The following CDH12 variants were observed in gnomAD, a reference collection of about 807,000 sequenced individuals.
The protein encoded by CDH12 is cadherin 12, also known as cadherin-12.
Under a neutral mutation model 74.1 loss-of-function variants are expected in CDH12, and 41 were observed. The ratio of observed to expected loss-of-function variants is 0.55; its 90% CI spans 0.43 to 0.72. CDH12 has a LOEUF of 0.72. Among genes scored for constraint, CDH12 ranks in the 30% least tolerant of loss-of-function variants. CDH12 has a pLI of 0.00. For synonymous variants in CDH12, 399 were observed against 355.0 expected, an observed-to-expected ratio of 1.12 and a Z score of -1.39; for missense variants, 945 against 977.2, an observed-to-expected ratio of 0.97 and a Z score of 0.44.
At chr5:22,343,584 A>AT (rs1425315205) in intron 3 of CDH12, among the ~76,000 whole-genome samples, 3 of 151,928 alleles carry the variant, frequency 2.0e-5, no homozygotes, top group Admixed American at 6.5e-5. Context: ...CGCCCAGCTA[A>AT]TTTTTTTGTA....
intron 1 of CDH12, among the ~76,000 whole-genome samples, chr5:22,609,777 G>A (rs1336563700): frequency 6.6e-6 from 1 of 152,216 alleles, no homozygotes; most frequent in Non-Finnish European, 1.5e-5. Context: ...CTTCGGTAAA[G>A]TGTGTCATCT....
chr5:22,059,327 T>C lies in CDH12; in HGVS notation c.231+19119A>G, dbSNP rs1011067334. Among the ~76,000 whole-genome samples, 140 of 149,662 alleles carry C rather than the reference T, an allele frequency of 9.4e-4. 1 individual carries two copies. Among genetic ancestry groups the C allele is most frequent in the African/African-American group, 3.4e-3 (137 of 40,612 alleles). The stretch of plus-strand genomic sequence containing the variant: ...CTATCTATCATCTATCCATCTATCG[T>C]CTATCTATCATCTATCTATCTATCT... On this transcript the variant is annotated intron_variant, in intron 5 of 14. Coordinates refer to ENST00000382254, the MANE Select transcript of CDH12 (RefSeq NM_004061.5).
chr5:22,348,359 T>G (rs1740214551), intron 3 of CDH12, among the ~76,000 whole-genome samples: 1 of 152,244 alleles, frequency 6.6e-6, no homozygotes, highest in Non-Finnish European at 1.5e-5. Flanking sequence ...AAGCTCCATT[T>G]ATTTTGAATG....
chr5:22,503,439 T>C (rs556134507), intron 2 of CDH12, among the ~76,000 whole-genome samples: 12 of 152,206 alleles, frequency 7.9e-5, no homozygotes, highest in Non-Finnish European at 1.8e-4. Flanking sequence ...GCTTGAAATC[T>C]ATATATTCAT....
chr5:22,804,872 T>C (rs544347855), intron 1 of CDH12, among the ~76,000 whole-genome samples: 25 of 152,318 alleles, frequency 1.6e-4, no homozygotes, highest in African/African-American at 4.6e-4. Context: ...TTAAGAGCCA[T>C]TGAGTTTTAA....
At chr5:22,152,933 T>C (rs886188285) in intron 4 of CDH12, among the ~76,000 whole-genome samples, 2 of 152,176 alleles carry the variant, frequency 1.3e-5, no homozygotes, top group South Asian at 4.1e-4. Context: ...TGCAACCCCC[T>C]AGGTTCATGT....
intron 1 of CDH12, among the ~76,000 whole-genome samples, chr5:22,749,174 G>A (rs192330797): frequency 5.9e-5 from 9 of 152,340 alleles, no homozygotes; most frequent in Non-Finnish European, 1.3e-4. Context: ...GCAAGCAGAA[G>A]TTGAAAGTAT....
chr5:21,886,234 T>G (rs2150038919), intron 6 of CDH12, among the ~76,000 whole-genome samples: 1 of 152,132 alleles, frequency 6.6e-6, no homozygotes, highest in East Asian at 1.9e-4. Flanking sequence ...CCTCTGAAAT[T>G]TTGGAAAAAG....
chr5:22,638,955 G>T (rs1738984414), intron 1 of CDH12: 1 of 150,480 alleles, frequency 6.6e-6, no homozygotes, highest in Non-Finnish European at 1.5e-5. Context: ...GGAGGCTGAG[G>T]CAGGAGAATG....
intron 1 of CDH12, among the ~76,000 whole-genome samples, chr5:22,555,743 C>T (rs572506848): frequency 2.0e-5 from 3 of 152,024 alleles, no homozygotes; most frequent in Admixed American, 6.6e-5. Flanking sequence ...TTATTTATTT[C>T]CTTAAGCATT....
At chr5:22,471,702 G>A (rs1003714678) in intron 2 of CDH12, among the ~76,000 whole-genome samples, 2 of 152,048 alleles carry the variant, frequency 1.3e-5, no homozygotes, top group African/African-American at 4.8e-5. Context: ...ACTTCACATG[G>A]CTACCAGTTC....
intron 6 of CDH12, chr5:21,889,804 A>T (rs1010033188): frequency 1.0e-6 from 1 of 985,154 alleles, no homozygotes; most frequent in Non-Finnish European, 1.2e-6. Context: ...CTATTTCTCA[A>T]TATAGATGAT....
intron 6 of CDH12, chr5:21,883,590 C>A: frequency 4.4e-6 from 7 of 1,602,952 alleles, no homozygotes; most frequent in Non-Finnish European, 6.0e-6. Context: ...GACCCTGAAT[C>A]TTGAAGATGT....
rs140641563 is a variant in CDH12 at position 22,281,083 on chromosome 5, A to G, written c.-332-68440T>C. Among the ~76,000 whole-genome samples, 200 of 152,320 alleles carry G rather than the reference A, an allele frequency of 1.3e-3. 2 individuals carry two copies. The East Asian group carries it at 0.036, about 28-fold the overall frequency. Reference sequence around the variant, plus strand: ...TCTGGTTCAATATACACAAATCAATAAACATAACCCAGCATATAAACAGAA... The same window carrying G: ...TCTGGTTCAATATACACAAATCAATGAACATAACCCAGCATATAAACAGAA... On this transcript the variant is annotated intron_variant, in intron 3 of 14. Coordinates refer to ENST00000382254, the MANE Select transcript of CDH12 (RefSeq NM_004061.5).
intron 1 of CDH12, among the ~76,000 whole-genome samples, chr5:22,665,413 G>A (rs116583846): frequency 1.4e-3 from 206 of 152,208 alleles, no homozygotes; most frequent in African/African-American, 4.9e-3. Context: ...TATCAAATAG[G>A]ATGCAGATGG....
At chr5:22,018,847 G>A (rs184320821) in intron 5 of CDH12, among the ~76,000 whole-genome samples, 1 of 152,202 alleles carries the variant, frequency 6.6e-6, no homozygotes, top group East Asian at 1.9e-4. Context: ...CAAGGCAGGT[G>A]GATCATTTGA....
intron 1 of CDH12, among the ~76,000 whole-genome samples, chr5:22,684,364 A>G (rs950885582): frequency 1.3e-5 from 2 of 152,230 alleles, no homozygotes; most frequent in African/African-American, 2.4e-5. Context: ...GTTATTGAAT[A>G]TAGTCACCCC....
chr5:21,882,018 C>A (rs142689707), intron 6 of CDH12, among the ~76,000 whole-genome samples: 1 of 151,980 alleles, frequency 6.6e-6, no homozygotes, highest in Non-Finnish European at 1.5e-5. Flanking sequence ...AAATAATAAG[C>A]GTTTTACTAA....
At chr5:22,739,795 G>T (rs958858917) in intron 1 of CDH12, among the ~76,000 whole-genome samples, 6 of 152,098 alleles carry the variant, frequency 3.9e-5, no homozygotes, top group African/African-American at 1.4e-4. Context: ...TAACATTAGT[G>T]TGAACTAGTA....
Sources: allele counts gnomAD v4.1 joint callset (sites outside exome capture counted in the v4.1 genomes callset), GRCh38; gene constraint gnomAD v4.1.1; transcripts MANE v1.5; gene names NCBI Gene and HGNC (gene_info 2026-07-23, HGNC 2026-07-21).